SLCO2B1: variants seen among roughly 807,000 people sequenced by gnomAD.
SLCO2B1 encodes solute carrier organic anion transporter family member 2B1.
SLCO2B1 carries 41 observed loss-of-function variants against 67.3 expected under a neutral mutation model. The observed-to-expected ratio is 0.61, with a 90% CI of 0.47 to 0.79. The LOEUF is 0.79. Among genes scored for constraint, SLCO2B1 ranks in the 30% least tolerant of loss-of-function variants. SLCO2B1 has a pLI of 0.00. For missense variants in SLCO2B1, 837 were observed against 920.1 expected (o/e 0.91, Z 1.17); for synonymous variants, 379 against 381.4 (o/e 0.99, Z 0.07).
intron 10 of SLCO2B1, among the ~76,000 whole-genome samples, chr11:75,198,198 G>T (rs767632932): frequency 1.3e-5 from 2 of 152,208 alleles, no homozygotes; most frequent in Non-Finnish European, 2.9e-5. Context: ...CCAGGCCTTG[G>T]CAGGTGGAGC....
At chr11:75,156,441 C>T (rs536698605) in intron 1 of SLCO2B1, among the ~76,000 whole-genome samples, 4 of 152,154 alleles carry the variant, frequency 2.6e-5, no homozygotes, top group Admixed American at 2.6e-4. Flanking sequence ...CCCAGGGAAC[C>T]CCAAGCAACT....
At chr11:75,202,436 T>A in intron 11 of SLCO2B1, 1 of 176,852 alleles carries the variant, frequency 5.7e-6, no homozygotes, top group South Asian at 1.4e-4. Flanking sequence ...CTCATAGGAG[T>A]GATGTGGGGT....
intron 4 of SLCO2B1, among the ~76,000 whole-genome samples, chr11:75,167,295 G>A (rs1378168682): frequency 1.3e-5 from 2 of 152,154 alleles, no homozygotes; most frequent in South Asian, 2.1e-4. Context: ...GAACTGCTTG[G>A]AATACCAGAA....
At chr11:75,185,191 A>C (rs1380992893) in intron 7 of SLCO2B1, among the ~76,000 whole-genome samples, 2 of 152,214 alleles carry the variant, frequency 1.3e-5, no homozygotes, top group Non-Finnish European at 2.9e-5. Context: ...GAAGGTTCTG[A>C]AATGTGGGGA....
chr11:75,177,180 A>G (rs1425033304), intron 7 of SLCO2B1, among the ~76,000 whole-genome samples: 2 of 151,288 alleles, frequency 1.3e-5, no homozygotes, highest in East Asian at 4.0e-4. Context: ...CCCTCTACAC[A>G]CACACACACA....
rs532354492 is a variant in SLCO2B1 at position 75,196,886 on chromosome 11, T to C, written c.1599+207T>C. Among the ~76,000 whole-genome samples, 4 of 152,278 alleles carry C rather than the reference T, an allele frequency of 2.6e-5. No homozygotes were observed. The East Asian group carries it at 5.8e-4, about 22-fold the overall frequency. ...GGCTTATGCCTGTAATCCCAACACT[T>C]TGGGAGGCCGAGGCAGGCAAATGAC... On this transcript the variant is annotated intron_variant, in intron 10 of 13. Coordinates refer to ENST00000289575, the MANE Select transcript of SLCO2B1 (RefSeq NM_007256.5).
Position 75,162,772 on chromosome 11 carries a change from T to C in SLCO2B1, c.134T>C (p.Phe45Ser). ...PDPQDVRPSV[F>S]HNIKLFVLCH... ...CCTCAGGACGTGCGGCCAAGTGTGT[T>C]CCATAACATCAAGGTACCTCTCAGG... Residue 45 changes from phenylalanine (F) to serine (S), a missense_variant, in exon 2 of 14, where the codon TTC becomes TCC. Phe to Ser is a radical substitution (Grantham distance 155). Coordinates refer to ENST00000289575, the MANE Select transcript of SLCO2B1 (RefSeq NM_007256.5). 4 of 1,613,756 alleles carry C rather than the reference T, an allele frequency of 2.5e-6. No homozygotes were observed. The highest frequency in any genetic ancestry group is 3.4e-6 in the Non-Finnish European group (4 of 1,179,840).
chr11:75,189,582 C>A (rs1302729507), intron 8 of SLCO2B1, among the ~76,000 whole-genome samples: 1 of 152,110 alleles, frequency 6.6e-6, no homozygotes, highest in Non-Finnish European at 1.5e-5. Flanking sequence ...ACAGGAGTTG[C>A]CTCATAGTCC....
At chr11:75,189,732 A>G (rs1306420606) in intron 8 of SLCO2B1, among the ~76,000 whole-genome samples, 1 of 152,140 alleles carries the variant, frequency 6.6e-6, no homozygotes, top group Non-Finnish European at 1.5e-5. Context: ...GGACCTCTTG[A>G]GCCCAGGAGT....
intron 7 of SLCO2B1, among the ~76,000 whole-genome samples, chr11:75,182,156 T>C (rs1049221436): frequency 2.0e-5 from 3 of 152,174 alleles, no homozygotes; most frequent in African/African-American, 7.2e-5. Flanking sequence ...TCCCTTTCTA[T>C]CTACCCAAAC....
chr11:75,164,108 C>T lies in SLCO2B1; in HGVS notation c.285+8C>T. On this transcript the variant is annotated splice_region_variant and intron_variant, in intron 3 of 13. Coordinates refer to ENST00000289575, the MANE Select transcript of SLCO2B1 (RefSeq NM_007256.5). ...CTGGCCTCCTTCAACGAGGTACAGGCCCCACCCAGCCACAGGGGTGGACAC... is the reference window on the plus strand; with the variant it reads ...CTGGCCTCCTTCAACGAGGTACAGGTCCCACCCAGCCACAGGGGTGGACAC... 6.2e-7 allele frequency: 1 copy of T among 1,605,274 alleles called. No homozygotes were observed. The highest frequency in any genetic ancestry group is 8.5e-7 in the Non-Finnish European group (1 of 1,176,350).
At chr11:75,186,294 C>T (rs533099847) in intron 7 of SLCO2B1, among the ~76,000 whole-genome samples, 28 of 151,874 alleles carry the variant, frequency 1.8e-4, no homozygotes, top group Middle Eastern at 3.4e-3. Context: ...CTACAACCTC[C>T]GCCTCCCAGG....
chr11:75,206,459 T>G lies in SLCO2B1; in HGVS notation c.*1879T>G, dbSNP rs76240179. On this transcript the variant is annotated 3_prime_UTR_variant, in exon 14 of 14. Transcript: ENST00000289575. The stretch of plus-strand genomic sequence containing the variant: ...TCTACTAATGGTTTCAAAAATGGAA[T>G]AAGGTCATGAGGATTTCTGAATCCT... 4.1e-3 allele frequency: 626 copies of G among 152,288 alleles called. 4 individuals carry two copies. Among genetic ancestry groups the G allele is most frequent in the African/African-American group, 0.014 (589 of 41,544 alleles). The allele number at this position is 152,288 out of a possible 1,614,324, so 9.4% of individuals were successfully genotyped here. A position where few individuals can be genotyped will look rare whatever the true frequency, so the allele number is the denominator to read the frequency against.
intron 7 of SLCO2B1, among the ~76,000 whole-genome samples, chr11:75,184,998 C>G (rs1332929203): frequency 6.6e-6 from 1 of 152,072 alleles, no homozygotes; most frequent in Non-Finnish European, 1.5e-5. Flanking sequence ...AAACCTAGAG[C>G]CTGCTCCCTG....
chr11:75,194,048 G>A (rs144398722), intron 9 of SLCO2B1, among the ~76,000 whole-genome samples: 2 of 152,330 alleles, frequency 1.3e-5, no homozygotes, highest in East Asian at 3.9e-4. Flanking sequence ...CAGGGAGGCT[G>A]CAGAGGGGAC....
At chr11:75,178,424 AAG>A (rs1950052824) in intron 7 of SLCO2B1, among the ~76,000 whole-genome samples, 1 of 152,236 alleles carries the variant, frequency 6.6e-6, no homozygotes, top group South Asian at 2.1e-4. Context: ...GGGGAAAACT[AAG>A]AGAAAAAGTG....
intron 7 of SLCO2B1, among the ~76,000 whole-genome samples, chr11:75,176,781 T>C (rs1207944570): frequency 6.6e-6 from 1 of 152,208 alleles, no homozygotes; most frequent in African/African-American, 2.4e-5. Flanking sequence ...ACTTTGTGTC[T>C]CCGTGGCAGC....
rs1621378 is a variant in SLCO2B1 at position 75,193,317 on chromosome 11, C to T, written c.1175C>T (p.Thr392Ile). ...TCATCCATGGCTGCGGGCATGGCCA[C>T]CTTCCTGCCCAAGTTCCTGGAGCGC... ...CLSSMAAGMA[T>I]FLPKFLERQF... is the part of the protein sequence containing the mutation. Residue 392 changes from threonine (T) to isoleucine (I), a missense_variant, in exon 9 of 14, where the codon ACC becomes ATC. Coordinates refer to ENST00000289575, the MANE Select transcript of SLCO2B1 (RefSeq NM_007256.5). This position sits in a 1 kb window ranked among gnomAD's most constrained non-coding sequence, Gnocchi z 4.2. 1.2e-6 allele frequency: 2 copies of T among 1,614,112 alleles called. No individual in the cohort carries two copies. Among genetic ancestry groups the T allele is most frequent in the East Asian group, 2.2e-5 (1 of 44,872 alleles).
chr11:75,196,734 C>T, intron 10 of SLCO2B1, 55 bp downstream of exon 10: 1 of 1,512,008 alleles, frequency 6.6e-7, no homozygotes, highest in East Asian at 2.3e-5. Context: ...CCTGCCCTGT[C>T]TCTGTGGGCC....
Sources: allele counts gnomAD v4.1 joint callset (sites outside exome capture counted in the v4.1 genomes callset), GRCh38; gene constraint gnomAD v4.1.1; non-coding constraint Gnocchi (gnomAD v3.1); transcripts MANE v1.5; gene names NCBI Gene and HGNC (gene_info 2026-07-23, HGNC 2026-07-21).